Variants in PTPRD observed in about 807,000 individuals in gnomAD.
PTPRD encodes the protein receptor-type tyrosine-protein phosphatase delta.
In PTPRD, 34 loss-of-function variants were observed where a neutral mutation model predicts 214.5. The observed-to-expected ratio is 0.16, with a 90% CI of 0.12 to 0.21. PTPRD has a LOEUF of 0.21. Ranked by LOEUF, PTPRD falls within the 10% of genes least tolerant of loss-of-function variation. The pLI is 1.00. For missense variants in PTPRD, 2,545 were observed against 2,398.7 expected (o/e 1.06, Z -1.27); for synonymous variants, 1,128 against 845.7 (o/e 1.33, Z -5.79).
chr9:9,596,362 G>T (rs750356408), intron 7 of PTPRD, among the ~76,000 whole-genome samples: 1 of 151,550 alleles, frequency 6.6e-6, no homozygotes, highest in Non-Finnish European at 1.5e-5. Flanking sequence ...TTACATATTC[G>T]GTAAAATATC....
At chr9:9,006,113 C>T (rs966379721) in intron 11 of PTPRD, among the ~76,000 whole-genome samples, 1 of 151,864 alleles carries the variant, frequency 6.6e-6, no homozygotes, top group Admixed American at 6.6e-5. Context: ...AAGCACAGTG[C>T]AACTGATTCA....
chr9:9,717,767 G>C, intron 7 of PTPRD, among the ~76,000 whole-genome samples: 1 of 152,022 alleles, frequency 6.6e-6, no homozygotes, highest in South Asian at 2.1e-4. Flanking sequence ...ATCTTAGCAA[G>C]GTAAACCCTT....
At chr9:9,567,076 G>A (rs987787843) in intron 8 of PTPRD, among the ~76,000 whole-genome samples, 2 of 151,990 alleles carry the variant, frequency 1.3e-5, no homozygotes, top group Admixed American at 1.3e-4. Flanking sequence ...TATGTTGAAG[G>A]TCAATGGGAA....
At chr9:9,517,645 A>G (rs2096870180) in intron 8 of PTPRD, among the ~76,000 whole-genome samples, 1 of 152,144 alleles carries the variant, frequency 6.6e-6, no homozygotes, top group Non-Finnish European at 1.5e-5. Context: ...TTTACAAAGT[A>G]TAACAAATGA....
At chr9:8,553,335 C>G (rs1168700255) in intron 14 of PTPRD, among the ~76,000 whole-genome samples, 1 of 152,160 alleles carries the variant, frequency 6.6e-6, no homozygotes, top group Non-Finnish European at 1.5e-5. Flanking sequence ...TGGAGTTGCT[C>G]TGACCTCAAG....
At chr9:8,936,577 C>T (rs1255199396) in intron 11 of PTPRD, among the ~76,000 whole-genome samples, 2 of 152,082 alleles carry the variant, frequency 1.3e-5, no homozygotes, top group Admixed American at 6.6e-5. Context: ...ATCTCTAAGG[C>T]AGCCTTGCTT....
chr9:10,606,066 T>G (rs1361159885), intron 2 of PTPRD, among the ~76,000 whole-genome samples: 1 of 151,818 alleles, frequency 6.6e-6, no homozygotes, highest in South Asian at 2.1e-4. Context: ...CCTTGATTTC[T>G]GTAGCAAAAT....
intron 5 of PTPRD, among the ~76,000 whole-genome samples, chr9:9,862,421 A>C (rs2062977814): frequency 6.6e-6 from 1 of 152,366 alleles, no homozygotes; most frequent in South Asian, 2.1e-4. Context: ...GGTAAGTGTC[A>C]GTAGTTCTTC....
intron 7 of PTPRD, among the ~76,000 whole-genome samples, chr9:9,643,446 C>A (rs2096039402): frequency 6.6e-6 from 1 of 151,978 alleles, no homozygotes; most frequent in Non-Finnish European, 1.5e-5. Context: ...TTCATCTGCA[C>A]CTGTTATGGT....
intron 10 of PTPRD, among the ~76,000 whole-genome samples, chr9:9,175,449 C>T (rs892778908): frequency 7.9e-5 from 12 of 151,562 alleles, no homozygotes; most frequent in African/African-American, 2.4e-4. Flanking sequence ...AGTAAAACCC[C>T]GTCTCTACTA....
intron 11 of PTPRD, among the ~76,000 whole-genome samples, chr9:8,930,912 G>A (rs1014255416): frequency 5.9e-5 from 9 of 152,160 alleles, no homozygotes; most frequent in East Asian, 1.9e-4. Flanking sequence ...TCTGTAGGTC[G>A]CCTGTCCACT....
intron 11 of PTPRD, among the ~76,000 whole-genome samples, chr9:8,872,862 G>A (rs2098326246): frequency 6.6e-6 from 1 of 152,086 alleles, no homozygotes; most frequent in Admixed American, 6.5e-5. Context: ...TTTCAATAAG[G>A]ACCCAAACAA....
chr9:9,356,412 C>T (rs1270756564), intron 9 of PTPRD, among the ~76,000 whole-genome samples: 1 of 150,984 alleles, frequency 6.6e-6, no homozygotes, highest in African/African-American at 2.4e-5. Context: ...TTTTCATGAC[C>T]CATCACAGTC....
chr9:8,715,400 C>G (rs952830153), intron 12 of PTPRD, among the ~76,000 whole-genome samples: 1 of 152,108 alleles, frequency 6.6e-6, no homozygotes, highest in African/African-American at 2.4e-5. Context: ...TCCCATCTTG[C>G]CATCATACCA....
At chr9:8,904,122 G>A (rs994556103) in intron 11 of PTPRD, among the ~76,000 whole-genome samples, 1 of 152,108 alleles carries the variant, frequency 6.6e-6, no homozygotes, top group African/African-American at 2.4e-5. Flanking sequence ...TGCAACAAAT[G>A]GTTTATTGCT....
chr9:8,524,734 C>G (rs1195379300), intron 18 of PTPRD, 191 bp downstream of exon 18: 3 of 728,320 alleles, frequency 4.1e-6, no homozygotes, highest in Non-Finnish European at 7.5e-6. Flanking sequence ...AGATTATACT[C>G]AAGAGTTGTC....
intron 11 of PTPRD, among the ~76,000 whole-genome samples, chr9:9,006,151 G>T (rs1386780521): frequency 1.3e-5 from 2 of 151,946 alleles, no homozygotes; most frequent in East Asian, 3.9e-4. Context: ...TTTTGTGTCT[G>T]AAGCACATGA....
intron 37 of PTPRD, among the ~76,000 whole-genome samples, chr9:8,388,382 T>G (rs1455252788): frequency 1.3e-5 from 2 of 152,186 alleles, no homozygotes; most frequent in Non-Finnish European, 2.9e-5. Context: ...GGTTTCAAAT[T>G]CTGTCTTGAA....
At chr9:8,404,505 T>C in intron 36 of PTPRD, 32 bp downstream of exon 36, 1 of 1,592,672 alleles carries the variant, frequency 6.3e-7, no homozygotes, top group Non-Finnish European at 8.6e-7. Flanking sequence ...TCCATGAAAA[T>C]AAAGGTATCA....
Sources: gnomAD v4.1 joint callset for allele counts (sites outside exome capture counted in the v4.1 genomes callset) on GRCh38, gnomAD v4.1.1 for gene constraint, MANE v1.5 for transcripts, NCBI Gene and HGNC (gene_info 2026-07-23, HGNC 2026-07-21) for gene names.